The following OSBPL6 variants were observed in gnomAD, a reference collection of about 807,000 sequenced individuals.
OSBPL6 encodes the protein oxysterol binding protein like 6.
OSBPL6 carries 49 observed loss-of-function variants against 125.8 expected under a neutral mutation model. That is an observed-to-expected ratio of 0.39 (90% confidence interval 0.31 to 0.49). OSBPL6 has a LOEUF of 0.49. OSBPL6 is among the 20% of genes least tolerant of loss of function. OSBPL6 has a pLI of 0.88. For synonymous variants in OSBPL6, 394 were observed against 391.8 expected, an observed-to-expected ratio of 1.01 and a Z score of -0.07; for missense variants, 986 against 1,135.4, an observed-to-expected ratio of 0.87 and a Z score of 1.89.
In OSBPL6 at chr2:178,326,911, C is replaced by G. The variant is rs139103615; in HGVS notation, c.196-1345C>G. ...TTTCTATCTTATCTCTTTTTCCCCC[C>G]CTTCTGGAGTTAAACTCTCAAAGAA... On this transcript the variant is annotated intron_variant, in intron 4 of 24. Transcript: ENST00000190611. 1.7e-3 allele frequency among the ~76,000 whole-genome samples: 264 copies of G among 152,096 alleles called. 2 individuals carry two copies. Among genetic ancestry groups the G allele is most frequent in the East Asian group, 9.4e-3 (49 of 5,186 alleles).
At chr2:178,293,745 A>G (rs1685486557) in intron 2 of OSBPL6, among the ~76,000 whole-genome samples, 1 of 151,872 alleles carries the variant, frequency 6.6e-6, no homozygotes, top group Non-Finnish European at 1.5e-5. Context: ...CATTCTAACT[A>G]TTTTTTGTAC....
At chr2:178,201,684 A>G (rs2089266232) in intron 1 of OSBPL6, among the ~76,000 whole-genome samples, 1 of 152,264 alleles carries the variant, frequency 6.6e-6, no homozygotes, top group East Asian at 1.9e-4. Flanking sequence ...TGTCCGAGCC[A>G]GTGCCAGACT....
At chr2:178,297,468 G>A (rs1685862342) in intron 2 of OSBPL6, among the ~76,000 whole-genome samples, 1 of 152,156 alleles carries the variant, frequency 6.6e-6, no homozygotes, top group African/African-American at 2.4e-5. Context: ...TAATATTAGG[G>A]TGGATATCTA....
Position 178,336,375 on chromosome 2 carries a change from C to T in OSBPL6, c.732C>T (p.Gly244=). 1 of 1,614,094 alleles carries T rather than the reference C, an allele frequency of 6.2e-7. No homozygotes were observed. The highest frequency in any genetic ancestry group is 1.1e-5 in the South Asian group (1 of 91,060). The change falls in exon 9 of 25, where the codon GGC becomes GGT. Residue 244 remains glycine, a synonymous_variant. Transcript: ENST00000190611. ...GCCTCCCTGCAACGTGCACAACTGG[C>T]CAGAGTAAAGTGGCAGCCTGGTTAC... The part of the protein sequence containing the change: ...SNSLPATCTT[G]QSKVAAWLQD...
chr2:178,277,051 AT>A (rs1574719049), intron 1 of OSBPL6, among the ~76,000 whole-genome samples: 1 of 152,138 alleles, frequency 6.6e-6, no homozygotes. Context: ...TCATCAAGGG[AT>A]TGCACAAAAT....
At chr2:178,200,943 C>T (rs1432915435) in intron 1 of OSBPL6, among the ~76,000 whole-genome samples, 6 of 152,010 alleles carry the variant, frequency 3.9e-5, no homozygotes, top group East Asian at 3.9e-4. Flanking sequence ...TACAGGCGCC[C>T]GCCAGCACGC....
chr2:178,391,152 T>C lies in OSBPL6; in HGVS notation c.2381T>C (p.Phe794Ser). Residue 794 changes from phenylalanine to serine, a missense_variant, in exon 22 of 25, where the codon TTT (phenylalanine) becomes TCT (serine). Physicochemically the swap from Phe to Ser is radical, Grantham distance 155. Coordinates refer to ENST00000190611, the MANE Select transcript of OSBPL6 (RefSeq NM_032523.4). ...GAGGGGAAGGCGGTGTACCGGCTGTTTGGAAAGTGGCATGAAGGACTCTAC... is the reference window on the plus strand; with the variant it reads ...GAGGGGAAGGCGGTGTACCGGCTGTCTGGAAAGTGGCATGAAGGACTCTAC... Reference protein sequence around the residue: ...DQEGKAVYRLFGKWHEGLYCG... With the variant: ...DQEGKAVYRLSGKWHEGLYCG... 1 of 1,613,976 alleles carries C rather than the reference T, an allele frequency of 6.2e-7. No individual in the cohort carries two copies. The highest frequency in any genetic ancestry group is 1.3e-5 in the African/African-American group (1 of 75,030).
At chr2:178,194,409 G>A (rs1208753140), upstream of OSBPL6, 3 of 151,978 alleles carry the variant, frequency 2.0e-5, no homozygotes, top group Non-Finnish European at 4.4e-5. Flanking sequence ...AGCCGGGGGC[G>A]GGGAACCCGG....
At position 178,259,594 on chromosome 2, in the gene OSBPL6, A is replaced by T. The variant is rs550553001; in HGVS notation, c.-350-25333A>T. Reference sequence around the variant, plus strand: ...CTTAATTATCTCTATTTTAGGTTGGAGGAAGAGAACACAGAACCCCCATCC... The same window carrying T: ...CTTAATTATCTCTATTTTAGGTTGGTGGAAGAGAACACAGAACCCCCATCC... On this transcript the variant is annotated intron_variant, in intron 1 of 24. Coordinates refer to ENST00000190611, the MANE Select transcript of OSBPL6 (RefSeq NM_032523.4). Among the ~76,000 whole-genome samples the T allele has an allele frequency of 1.2e-3, 181 of 152,148 alleles. 1 individual carries two copies. Among genetic ancestry groups the T allele is most frequent in the African/African-American group, 4.1e-3 (170 of 41,492 alleles).
At chr2:178,200,431 T>G (rs1013370790) in intron 1 of OSBPL6, among the ~76,000 whole-genome samples, 2 of 151,896 alleles carry the variant, frequency 1.3e-5, no homozygotes, top group Non-Finnish European at 2.9e-5. Context: ...TTTATATTCT[T>G]AGTAAAGATG....
At chr2:178,262,451 G>A (rs2092094454) in intron 1 of OSBPL6, among the ~76,000 whole-genome samples, 1 of 152,142 alleles carries the variant, frequency 6.6e-6, no homozygotes, top group African/African-American at 2.4e-5. Flanking sequence ...CAAAATGTTA[G>A]CCAAACTCCA....
intron 1 of OSBPL6, among the ~76,000 whole-genome samples, chr2:178,276,887 C>T (rs538454300): frequency 6.6e-6 from 1 of 152,076 alleles, no homozygotes; most frequent in Non-Finnish European, 1.5e-5. Flanking sequence ...ATCAAGCCAC[C>T]ACAGCTGGAT....
chr2:178,220,378 C>T (rs1164296014), intron 1 of OSBPL6, among the ~76,000 whole-genome samples: 2 of 152,078 alleles, frequency 1.3e-5, no homozygotes, highest in Non-Finnish European at 2.9e-5. Context: ...CTCACTGTAA[C>T]CTCTACCTCC....
chr2:178,230,332 T>A (rs2090764737), intron 1 of OSBPL6: 1 of 152,212 alleles, frequency 6.6e-6, no homozygotes, highest in Admixed American at 6.5e-5. Context: ...ACAGAATGGA[T>A]ACTGAAGGCA....
At chr2:178,229,576 T>C (rs1172988462) in intron 1 of OSBPL6, among the ~76,000 whole-genome samples, 1 of 152,208 alleles carries the variant, frequency 6.6e-6, no homozygotes, top group African/African-American at 2.4e-5. Flanking sequence ...ACTGCTGTAA[T>C]CCCAGCACTT....
At chr2:178,224,199 T>A (rs895183838) in intron 1 of OSBPL6, among the ~76,000 whole-genome samples, 2 of 152,042 alleles carry the variant, frequency 1.3e-5, no homozygotes, top group Admixed American at 1.3e-4. Context: ...AGAGAAGGGA[T>A]GTAAGAGAGG....
chr2:178,328,274 A>T lies in OSBPL6; in HGVS notation c.214A>T (p.Ile72Phe). Residue 72 changes from isoleucine (I) to phenylalanine (F), a missense_variant, in exon 5 of 25, where the codon ATT (isoleucine) becomes TTT (phenylalanine). Physicochemically the swap from Ile to Phe is conservative, Grantham distance 21. Transcript: ENST00000190611. ...PLSKEADSWE[I>F]IEGLKIGQTN... is the part of the protein sequence containing the mutation. ...CTCTCAGGAAGCTGACAGCTGGGAA[A>T]TTATAGAAGGGCTGAAAATAGGCCA... 6.2e-7 allele frequency: 1 copy of T among 1,613,802 alleles called. No individual in the cohort carries two copies. The highest frequency in any genetic ancestry group is 1.1e-5 in the South Asian group (1 of 91,062).
intron 1 of OSBPL6, among the ~76,000 whole-genome samples, chr2:178,281,204 G>T (rs1279230059): frequency 6.6e-6 from 1 of 151,850 alleles, no homozygotes; most frequent in Non-Finnish European, 1.5e-5. Flanking sequence ...GTAGAGACAG[G>T]GTTTTCCCAC....
intron 1 of OSBPL6, among the ~76,000 whole-genome samples, chr2:178,222,703 C>G (rs1009824719): frequency 2.6e-5 from 4 of 151,994 alleles, no homozygotes; most frequent in Non-Finnish European, 5.9e-5. Context: ...AATTGTAAGT[C>G]CTTTTAACAT....
Sources: gnomAD v4.1 joint callset for allele counts (sites outside exome capture counted in the v4.1 genomes callset) on GRCh38, gnomAD v4.1.1 for gene constraint, MANE v1.5 for transcripts, NCBI Gene and HGNC (gene_info 2026-07-23, HGNC 2026-07-21) for gene names.